The following PIK3R6 variants were observed in gnomAD, a reference collection of about 807,000 sequenced individuals.
PIK3R6 encodes phosphoinositide 3-kinase regulatory subunit 6.
In PIK3R6, 91 loss-of-function variants were observed where a neutral mutation model predicts 84.9. The ratio of observed to expected loss-of-function variants is 1.07; its 90% CI spans 0.90 to 1.28. The LOEUF (loss-of-function observed/expected upper bound fraction) is 1.28. Among genes scored for constraint, PIK3R6 ranks in the 50% most tolerant of loss-of-function variants. The pLI, the probability that PIK3R6 is intolerant of heterozygous loss-of-function variation, is 0.00. For missense variants in PIK3R6, 996 were observed against 985.1 expected, an observed-to-expected ratio of 1.01 and a Z score of -0.15; for synonymous variants, 416 against 411.4, an observed-to-expected ratio of 1.01 and a Z score of -0.13.
At chr17:8,833,530 T>A (rs906818537) in intron 8 of PIK3R6, among the ~76,000 whole-genome samples, 1 of 148,432 alleles carries the variant, frequency 6.7e-6, no homozygotes, top group Non-Finnish European at 1.5e-5. Context: ...AAGCCCCCCC[T>A]GAGAAAGTGA....
In PIK3R6 at chr17:8,828,135, A is replaced by G; in HGVS notation, c.1369T>C (p.Tyr457His). 1 of 1,613,940 alleles carries G rather than the reference A, an allele frequency of 6.2e-7. No homozygotes were observed. The highest frequency in any genetic ancestry group is 8.5e-7 in the Non-Finnish European group (1 of 1,179,864). ...LTPRLSLQLY[Y>H]IPVLAPEKPA... ...ACCTCAGGCGCCAGCACGGGGATGTAGTAGAGCTGCAGGCTGAGTCTGGGA... is the reference window on the plus strand; with the variant it reads ...ACCTCAGGCGCCAGCACGGGGATGTGGTAGAGCTGCAGGCTGAGTCTGGGA... The change falls in exon 12 of 20, where the codon TAC (tyrosine) becomes CAC (histidine). Residue 457 changes from tyrosine (Y) to histidine (H), a missense_variant. Transcript: ENST00000619866.
chr17:8,851,436 G>A (rs1245706023), intron 1 of PIK3R6, among the ~76,000 whole-genome samples: 3 of 152,198 alleles, frequency 2.0e-5, no homozygotes, highest in Non-Finnish European at 4.4e-5. Context: ...GGCGGAGCTT[G>A]CAGTGAGCCG....
chr17:8,833,175 G>A, intron 8 of PIK3R6, 130 bp from the exon 9 acceptor site: 1 of 1,308,638 alleles, frequency 7.6e-7, no homozygotes, highest in Non-Finnish European at 1.0e-6. Flanking sequence ...CCCGGCAGGA[G>A]CTTCCCCCGA....
In PIK3R6 at chr17:8,836,885, A is replaced by C. The variant is rs1176409377; in HGVS notation, c.297T>G (p.Tyr99Ter). The change falls in exon 6 of 20, where the codon TAT becomes TAG. Residue 99 changes from tyrosine to a stop codon, truncating the protein, a stop_gained. Coordinates refer to ENST00000619866, the MANE Select transcript of PIK3R6 (RefSeq NM_001010855.4). LOFTEE classifies it high-confidence loss of function. ...GGGTCAGTAACCTTGTGCAAAAGGC[A>C]TAGATTCTCTGGTAGAGCTCTTCTG... is the stretch of plus-strand genomic sequence containing the variant. ...GITEELYQRI[Y>*]AFCTRLLTLP... is the part of the protein sequence containing the mutation. 6.5e-7 allele frequency: 1 copy of C among 1,539,124 alleles called. No homozygotes were observed. Among genetic ancestry groups the C allele is most frequent in the Non-Finnish European group, 8.8e-7 (1 of 1,137,952 alleles).
At chr17:8,829,517 TACAC>T (rs10608111) in intron 10 of PIK3R6, among the ~76,000 whole-genome samples, 185 bp downstream of exon 10, 20 of 122,880 alleles carry the variant, frequency 1.6e-4, no homozygotes, top group Admixed American at 8.9e-4. Context: ...CACTCATGCA[TACAC>T]ACACACTGAC....
chr17:8,821,544 A>G (rs1459731131), intron 17 of PIK3R6, among the ~76,000 whole-genome samples: 2 of 152,122 alleles, frequency 1.3e-5, no homozygotes, highest in African/African-American at 4.8e-5. Flanking sequence ...CTAAATTTCC[A>G]AACAGAAGAC....
In PIK3R6 at chr17:8,844,544, A is replaced by C. The variant is rs185908281; in HGVS notation, c.14-4847T>G. 2.7e-3 allele frequency among the ~76,000 whole-genome samples: 417 copies of C among 152,334 alleles called. 4 individuals are homozygous for C. The highest frequency in any genetic ancestry group is 9.6e-3 in the African/African-American group (399 of 41,572). ...TAGATAAATGGCATCCATTATTATT[A>C]TCCTCCTCTGCATCCAGGAATGTGG... On this transcript the variant is annotated intron_variant, in intron 2 of 19. Transcript: ENST00000619866. This position sits in a 1 kb window ranked among gnomAD's most constrained non-coding sequence, Gnocchi z 4.5.
intron 9 of PIK3R6, among the ~76,000 whole-genome samples, chr17:8,830,269 A>G (rs1423451931): frequency 1.3e-5 from 2 of 152,210 alleles, no homozygotes; most frequent in African/African-American, 4.8e-5. Flanking sequence ...ACGAGAACTC[A>G]TCAACAAAGT....
At chr17:8,804,006 C>G (rs2087123059) in intron 19 of PIK3R6, 35 bp downstream of exon 19, 1 of 1,562,590 alleles carries the variant, frequency 6.4e-7, no homozygotes, top group Non-Finnish European at 8.8e-7. Context: ...GTCCCACGGG[C>G]CCTGGACATC....
At position 8,833,934 on chromosome 17, in the gene PIK3R6, C is replaced by T. The variant is rs181328908; in HGVS notation, c.646-889G>A. On this transcript the variant is annotated intron_variant, in intron 8 of 19. Transcript: ENST00000619866. ...TTGTAATCTCAGCACTTTGGAAGGC[C>T]GGGGTAGGTGGATCACGAGGTCAGG... 3.3e-3 allele frequency among the ~76,000 whole-genome samples: 499 copies of T among 151,444 alleles called. 3 individuals carry two copies. The highest frequency in any genetic ancestry group is 0.011 in the African/African-American group (471 of 41,324).
At chr17:8,829,440 ACACT>A (rs2088114490) in intron 10 of PIK3R6, among the ~76,000 whole-genome samples, 1 of 150,876 alleles carries the variant, frequency 6.6e-6, no homozygotes, top group Non-Finnish European at 1.5e-5. Context: ...ATGGATACAC[ACACT>A]GACACGCATC....
rs1218390426 is a variant in PIK3R6 at position 8,853,498 on chromosome 17, AAT to A, written c.-91-3615_-91-3614del. On this transcript the variant is annotated intron_variant, in intron 1 of 19. Coordinates refer to ENST00000619866, the MANE Select transcript of PIK3R6 (RefSeq NM_001010855.4). The stretch of plus-strand genomic sequence containing the variant: ...AGACTCCATCTCAAAAAAAAAAAAA[AAT>A]AATAATAATAATAATAAAATAATAA... 3.1e-3 allele frequency among the ~76,000 whole-genome samples: 422 copies of A among 137,354 alleles called. 5 individuals carry two copies. The highest frequency in any genetic ancestry group is 8.7e-3 in the African/African-American group (317 of 36,356). The allele number at this position is 137,354 out of a possible 152,430, so 90.1% of individuals were successfully genotyped here.
At chr17:8,837,944 G>A (rs552892459) in intron 4 of PIK3R6, 73 bp from the exon 5 acceptor site, 233 of 1,353,048 alleles carry the variant, frequency 1.7e-4, no homozygotes, top group Middle Eastern at 1.3e-3. Flanking sequence ...GGCAGTCTAG[G>A]CTGGGAGTGG....
Position 8,862,567 on chromosome 17 carries a change from G to T in PIK3R6, c.-92+4962C>A, listed in dbSNP as rs990626495. 6.6e-6 allele frequency among the ~76,000 whole-genome samples: 1 copy of T among 152,174 alleles called. No individual in the cohort carries two copies. Among genetic ancestry groups the T allele is most frequent in the Admixed American group, 6.5e-5 (1 of 15,284 alleles). On this transcript the variant is annotated intron_variant, in intron 1 of 19. Transcript: ENST00000619866. This position sits in a 1 kb window ranked among gnomAD's most constrained non-coding sequence, Gnocchi z 4.3. ...TGGCAGCTACCTCTGTCACCTGGGGGTGGCTGATCTTTCTCGGGCCGTATC... is the reference window on the plus strand; with the variant it reads ...TGGCAGCTACCTCTGTCACCTGGGGTTGGCTGATCTTTCTCGGGCCGTATC...
intron 1 of PIK3R6, among the ~76,000 whole-genome samples, chr17:8,864,817 G>A (rs774523826): frequency 3.7e-4 from 56 of 152,190 alleles, no homozygotes; most frequent in Middle Eastern, 3.4e-3. Context: ...GATTACAGGC[G>A]TGAGCCACCG....
At position 8,838,623 on chromosome 17, in the gene PIK3R6, C is replaced by A; in HGVS notation, c.130G>T (p.Glu44Ter). 6.2e-7 allele frequency: 1 copy of A among 1,606,436 alleles called. No individual in the cohort carries two copies. Among genetic ancestry groups the A allele is most frequent in the East Asian group, 2.2e-5 (1 of 44,590 alleles). Residue 44 changes from glutamate (E) to a stop codon, truncating the protein, a stop_gained, in exon 4 of 20, where the codon GAG (glutamate) becomes TAG (stop). Coordinates refer to ENST00000619866, the MANE Select transcript of PIK3R6 (RefSeq NM_001010855.4). LOFTEE classifies it high-confidence loss of function. ...MWRWSLHKKV[E>*]RDPGKSPVLV... ...ACTGGGCTCTTACCGGGATCTCGCT[C>A]GACCTTCTTGTGCAGGGACCACCTC...
At chr17:8,865,095 G>T (rs1233177613) in intron 1 of PIK3R6, among the ~76,000 whole-genome samples, 1 of 152,148 alleles carries the variant, frequency 6.6e-6, no homozygotes, top group Non-Finnish European at 1.5e-5. Flanking sequence ...GCTCCCTGTT[G>T]TTGGTGTGAG....
At position 8,837,153 on chromosome 17, in the gene PIK3R6, A is replaced by G. The variant is rs1391333326; in HGVS notation, c.259-230T>C. Among the ~76,000 whole-genome samples the G allele has an allele frequency of 2.6e-5, 4 of 152,140 alleles. No individual in the cohort carries two copies. The East Asian group carries it at 7.7e-4, about 29-fold the overall frequency. ...ATTTGTCGCCCCGCCCCAACTTACC[A>G]AGATAAAAATTCATTGCATCAAGTT... On this transcript the variant is annotated intron_variant, in intron 5 of 19. Transcript: ENST00000619866.
intron 5 of PIK3R6, 133 bp from the exon 6 acceptor site, chr17:8,837,056 C>T (rs1356798985): frequency 3.0e-6 from 2 of 677,714 alleles, no homozygotes; most frequent in African/African-American, 3.6e-5. Context: ...GCCTAACAGC[C>T]AGACCTGGGC....
Sources: allele counts gnomAD v4.1 joint callset (sites outside exome capture counted in the v4.1 genomes callset), GRCh38; gene constraint gnomAD v4.1.1; non-coding constraint Gnocchi (gnomAD v3.1); transcripts MANE v1.5; gene names NCBI Gene and HGNC (gene_info 2026-07-23, HGNC 2026-07-21).